Variants in CSRNP3 observed in about 807,000 individuals in gnomAD.
The protein encoded by CSRNP3 is cysteine/serine-rich nuclear protein 3.
CSRNP3 carries 12 observed loss-of-function variants against 48.0 expected under a neutral mutation model. That is an observed-to-expected ratio of 0.25 (90% CI 0.16 to 0.41). CSRNP3 has a LOEUF of 0.41. Ranked by LOEUF, CSRNP3 falls within the 10% of genes least tolerant of loss-of-function variation. The probability of loss-of-function intolerance (pLI) is 1.00; values close to 1 mark genes in which losing one functional copy is unlikely to be tolerated. For synonymous variants in CSRNP3, 263 were observed against 269.7 expected, an observed-to-expected ratio of 0.98 and a Z score of 0.24; for missense variants, 580 against 724.4, an observed-to-expected ratio of 0.80 and a Z score of 2.29.
chr2:165,540,663 CT>C (rs34376726), intron 3 of CSRNP3, among the ~76,000 whole-genome samples: 113,040 of 151,724 alleles, frequency 0.75, 42,486 homozygotes, highest in African/African-American at 0.83. Context: ...GGCACCAGTT[CT>C]TTTTTTTCCC....
At chr2:165,513,779 A>G (rs1684540069) in intron 2 of CSRNP3, among the ~76,000 whole-genome samples, 1 of 152,190 alleles carries the variant, frequency 6.6e-6, no homozygotes, top group Non-Finnish European at 1.5e-5. Flanking sequence ...GCCAATCAAG[A>G]TAGCAGCTGG....
chr2:165,512,886 C>G (rs1684525973), intron 2 of CSRNP3, among the ~76,000 whole-genome samples: 1 of 152,210 alleles, frequency 6.6e-6, no homozygotes, highest in South Asian at 2.1e-4. Context: ...GGGAGGATCA[C>G]AAGGTCAGGA....
At chr2:165,565,848 A>C (rs1213731811) in intron 3 of CSRNP3, among the ~76,000 whole-genome samples, 1 of 152,070 alleles carries the variant, frequency 6.6e-6, no homozygotes, top group Non-Finnish European at 1.5e-5. Flanking sequence ...ACTTTTATAT[A>C]GTTTTCTTAC....
intron 1 of CSRNP3, among the ~76,000 whole-genome samples, chr2:165,482,420 C>T (rs527759208): frequency 1.3e-5 from 2 of 152,146 alleles, no homozygotes; most frequent in South Asian, 4.2e-4. Context: ...CGCCCCACTA[C>T]GCTGGGCCAG....
intron 3 of CSRNP3, among the ~76,000 whole-genome samples, chr2:165,591,915 G>GCACT (rs1275116234): frequency 2.0e-5 from 3 of 152,132 alleles, no homozygotes; most frequent in African/African-American, 7.2e-5. Flanking sequence ...CCCCACTGGG[G>GCACT]CACTGCCTAG....
intron 4 of CSRNP3, among the ~76,000 whole-genome samples, chr2:165,631,506 G>T (rs577742995): frequency 6.6e-6 from 1 of 152,246 alleles, no homozygotes; most frequent in South Asian, 2.1e-4. Flanking sequence ...AAGCTCTTAT[G>T]GATGCCTTTA....
intron 3 of CSRNP3, among the ~76,000 whole-genome samples, chr2:165,530,304 G>T (rs773155427): frequency 1.3e-5 from 2 of 152,026 alleles, no homozygotes; most frequent in Non-Finnish European, 1.5e-5. Flanking sequence ...GAAAAAAGGG[G>T]CCAGAAGTCT....
At chr2:165,663,355 A>C (rs769212127) in intron 5 of CSRNP3, among the ~76,000 whole-genome samples, 5 of 152,186 alleles carry the variant, frequency 3.3e-5, no homozygotes, top group Non-Finnish European at 5.9e-5. Flanking sequence ...AGATTATGCC[A>C]CAGCATACTT....
At chr2:165,624,781 A>G (rs572695113) in intron 4 of CSRNP3, among the ~76,000 whole-genome samples, 3 of 152,272 alleles carry the variant, frequency 2.0e-5, no homozygotes, top group East Asian at 3.9e-4. Context: ...TCACTTCAGC[A>G]GTCTCAGCTG....
At chr2:165,584,962 G>C (rs1167788210) in intron 3 of CSRNP3, among the ~76,000 whole-genome samples, 2 of 152,216 alleles carry the variant, frequency 1.3e-5, no homozygotes, top group Non-Finnish European at 2.9e-5. Context: ...CGCATTCAAA[G>C]CTGTCCTGGG....
At chr2:165,666,033 A>AAGGG (rs1687185084) in intron 5 of CSRNP3, among the ~76,000 whole-genome samples, 4 of 39,866 alleles carry the variant, frequency 1.0e-4, no homozygotes, top group Admixed American at 2.6e-4. Flanking sequence ...GAGAGAGAGG[A>AAGGG]AGGGAGGAAG....
At chr2:165,530,012 C>A (rs1029386106) in intron 3 of CSRNP3, among the ~76,000 whole-genome samples, 1 of 152,126 alleles carries the variant, frequency 6.6e-6, no homozygotes, top group Non-Finnish European at 1.5e-5. Flanking sequence ...TTTTTAAAAT[C>A]ATGAGGAATG....
intron 5 of CSRNP3, among the ~76,000 whole-genome samples, chr2:165,670,258 C>T (rs1375393180): frequency 6.6e-6 from 1 of 152,130 alleles, no homozygotes; most frequent in African/African-American, 2.4e-5. Flanking sequence ...AGCCCCACTG[C>T]CACCCTCCTA....
chr2:165,593,879 A>G (rs1331397533), intron 3 of CSRNP3, among the ~76,000 whole-genome samples: 1 of 152,224 alleles, frequency 6.6e-6, no homozygotes, highest in Non-Finnish European at 1.5e-5. Context: ...CTAAAATTCA[A>G]AACTTTTTGA....
intron 2 of CSRNP3, among the ~76,000 whole-genome samples, chr2:165,515,721 A>G (rs1684572180): frequency 6.6e-6 from 1 of 151,824 alleles, no homozygotes. Context: ...TAAATTATGA[A>G]TGCTATTTAT....
chr2:165,626,935 C>A (rs1051586563), intron 4 of CSRNP3, among the ~76,000 whole-genome samples: 2 of 152,206 alleles, frequency 1.3e-5, no homozygotes, highest in African/African-American at 4.8e-5. Flanking sequence ...ACCTCCTTCA[C>A]CATCCTGTAG....
chr2:165,493,068 TAAAG>T (rs1366738011), intron 1 of CSRNP3, among the ~76,000 whole-genome samples: 1 of 150,540 alleles, frequency 6.6e-6, no homozygotes, highest in Non-Finnish European at 1.5e-5. Context: ...AAGCAGAAAA[TAAAG>T]AAACAGAGGA....
intron 5 of CSRNP3, among the ~76,000 whole-genome samples, chr2:165,673,567 G>T (rs895685687): frequency 2.0e-5 from 3 of 152,140 alleles, no homozygotes; most frequent in African/African-American, 7.2e-5. Context: ...CAGTTCATAT[G>T]ACATACAGTT....
chr2:165,644,627 G>A (rs1302500775), intron 4 of CSRNP3, among the ~76,000 whole-genome samples: 1 of 152,066 alleles, frequency 6.6e-6, no homozygotes, highest in Admixed American at 6.6e-5. Context: ...TATCAGTATC[G>A]AAGCAAGCAT....
Sources: gnomAD v4.1 joint callset for allele counts (sites outside exome capture counted in the v4.1 genomes callset) on GRCh38, gnomAD v4.1.1 for gene constraint, MANE v1.5 for transcripts, NCBI Gene and HGNC (gene_info 2026-07-23, HGNC 2026-07-21) for gene names.